Variants in TMEM259 observed in about 807,000 individuals in gnomAD.
TMEM259 encodes membralin.
Under a neutral mutation model 46.7 loss-of-function variants are expected in TMEM259, and 26 were observed. The ratio of observed to expected loss-of-function variants is 0.56; its 90% CI spans 0.41 to 0.77. The LOEUF is 0.77. Ranked by LOEUF, TMEM259 falls within the 30% of genes least tolerant of loss-of-function variation. The pLI is 0.00. For missense variants in TMEM259, 930 were observed against 900.5 expected (o/e 1.03, Z -0.42); for synonymous variants, 494 against 395.1 (o/e 1.25, Z -2.97).
Position 1,010,433 on chromosome 19 carries a change from T to C in TMEM259, c.1780A>G (p.Thr594Ala), listed in dbSNP as rs151265454. The part of the protein sequence containing the change: ...VPPSDSAASD[T>A]TPLGAAVGGP... ...CCTACCGCAGCCCCCAGGGGAGTTGTGTCAGAAGCTGCGGAGTCACTCGGG... is the reference window on the plus strand; with the variant it reads ...CCTACCGCAGCCCCCAGGGGAGTTGCGTCAGAAGCTGCGGAGTCACTCGGG... The change falls in exon 11 of 11, where the codon ACA becomes GCA. Residue 594 changes from threonine (T) to alanine (A), a missense_variant. By Grantham distance (58) the Thr-to-Ala change is moderately conservative. Coordinates refer to ENST00000356663, the MANE Select transcript of TMEM259 (RefSeq NM_001033026.2). 9.3e-5 allele frequency: 143 copies of C among 1,532,026 alleles called. No individual in the cohort carries two copies. In the African/African-American group the frequency reaches 1.8e-3, roughly 19 times the overall value. 94.9% of individuals were successfully genotyped at this position (1,532,026 alleles called of 1,614,324 possible). A position where few individuals can be genotyped will look rare whatever the true frequency, so the allele number is the denominator to read the frequency against.
At position 1,014,254 on chromosome 19, in the gene TMEM259, C is replaced by T. The variant is rs779845887; in HGVS notation, c.445G>A (p.Asp149Asn). The T allele has an allele frequency of 3.1e-6, 5 of 1,613,226 alleles. No homozygotes were observed. The highest frequency in any genetic ancestry group is 3.4e-6 in the Non-Finnish European group (4 of 1,179,766). Reference protein sequence around the residue: ...GLAVEPGSNLDMEDEEEEELT... With the variant: ...GLAVEPGSNLNMEDEEEEELT... ...TCTTCCTCCTCCTCATCTTCCATGT[C>T]CAGGTTGCTGCCTGGTTCCACGGCC... The change falls in exon 2 of 11, where the codon GAC (aspartate) becomes AAC (asparagine). Residue 149 changes from aspartate (D) to asparagine (N), a missense_variant. Coordinates refer to ENST00000356663, the MANE Select transcript of TMEM259 (RefSeq NM_001033026.2).
chr19:1,015,842 T>A (rs1489202998), intron 1 of TMEM259, among the ~76,000 whole-genome samples: 1 of 152,156 alleles, frequency 6.6e-6, no homozygotes, highest in East Asian at 1.9e-4. Context: ...CACAGTGAGC[T>A]GGGGCCTCCT....
chr19:1,019,687 GCTGGGAA>G (rs1159416649), intron 1 of TMEM259, among the ~76,000 whole-genome samples: 2 of 152,348 alleles, frequency 1.3e-5, no homozygotes, highest in Non-Finnish European at 2.9e-5. Flanking sequence ...CCTGTGTCAG[GCTGGGAA>G]CTTGCCCACG....
At position 1,009,789 on chromosome 19, in the gene TMEM259, A is replaced by G; in HGVS notation, c.*561T>C. 2 of 527,230 alleles carry G rather than the reference A, an allele frequency of 3.8e-6. No homozygotes were observed. Among genetic ancestry groups the G allele is most frequent in the South Asian group, 7.1e-5 (2 of 28,204 alleles). 32.7% of individuals were successfully genotyped at this position (527,230 alleles called of 1,614,324 possible). A position where few individuals can be genotyped will look rare whatever the true frequency, so the allele number is the denominator to read the frequency against. On this transcript the variant is annotated 3_prime_UTR_variant, in exon 11 of 11. Coordinates refer to ENST00000356663, the MANE Select transcript of TMEM259 (RefSeq NM_001033026.2). ...CCGGCCCACTCCATCCCCGAGTGGG[A>G]CTGGACCACGGCCCTGGCTGCTGCC...
In TMEM259 at chr19:1,020,967, C is replaced by T; in HGVS notation, c.30G>A (p.Pro10=). The change falls in exon 1 of 11, where the codon CCG becomes CCA. Residue 10 remains proline, a synonymous_variant. Transcript: ENST00000356663. This position sits in a 1 kb window ranked among gnomAD's most constrained non-coding sequence, Gnocchi z 4.0. ...CGCCGCCGCCGTTGGGCCCGGGCCC[C>T]GGAGCTGCGGGCTCCACGTGCTCCG... MSEHVEPAA[P]GPGPNGGGGG... 7.8e-7 allele frequency: 1 copy of T among 1,276,812 alleles called. No homozygotes were observed. Among genetic ancestry groups the T allele is most frequent in the Non-Finnish European group, 9.9e-7 (1 of 1,008,662 alleles). 79.1% of individuals were successfully genotyped at this position (1,276,812 alleles called of 1,614,324 possible).
At chr19:1,015,307 A>G (rs2039072008) in intron 1 of TMEM259, among the ~76,000 whole-genome samples, 1 of 152,168 alleles carries the variant, frequency 6.6e-6, no homozygotes, top group African/African-American at 2.4e-5. Flanking sequence ...TGTGGTTGTC[A>G]CAATTGGGGG....
chr19:1,011,558 G>C (rs780691988), intron 8 of TMEM259, 22 bp downstream of exon 8: 2 of 1,540,956 alleles, frequency 1.3e-6, no homozygotes, highest in South Asian at 2.4e-5. Context: ...GCGGGGCGGG[G>C]GAGGCCGGGT....
rs772342623 is a variant in TMEM259, at chr19:1,013,323, C to T, written c.525G>A (p.Glu175=). 3.1e-6 allele frequency: 5 copies of T among 1,613,546 alleles called. No individual in the cohort carries two copies. The South Asian group carries it at 4.4e-5, about 14-fold the overall frequency. Residue 175 remains glutamate, a synonymous_variant, in exon 3 of 11, where the codon GAG becomes GAA. Coordinates refer to ENST00000356663, the MANE Select transcript of TMEM259 (RefSeq NM_001033026.2). Reference sequence around the variant, plus strand: ...TACTCGGCGGCTTGAACACCTTGGGCTCGATGTCCAGCTCAAACTGTGGGC... The same window carrying T: ...TACTCGGCGGCTTGAACACCTTGGGTTCGATGTCCAGCTCAAACTGTGGGC... ...NSSIKFELDI[E]PKVFKPPSST...
In TMEM259 at chr19:1,009,662, C is replaced by T. The variant is rs529768481; in HGVS notation, c.*688G>A. On this transcript the variant is annotated 3_prime_UTR_variant, in exon 11 of 11. Transcript: ENST00000356663. Reference sequence around the variant, plus strand: ...ACACAGCGCAGTGAGCCGCTGTCAACAGACAGTTTATTCTATATACAAACA... The same window carrying T: ...ACACAGCGCAGTGAGCCGCTGTCAATAGACAGTTTATTCTATATACAAACA... The T allele has an allele frequency of 2.4e-6, 3 of 1,276,170 alleles. No homozygotes were observed. Among genetic ancestry groups the T allele is most frequent in the Admixed American group, 3.9e-5 (1 of 25,336 alleles). 79.1% of individuals were successfully genotyped at this position (1,276,170 alleles called of 1,614,324 possible). A position where few individuals can be genotyped will look rare whatever the true frequency, so the allele number is the denominator to read the frequency against.
intron 10 of TMEM259, 96 bp from the exon 11 acceptor site, chr19:1,010,991 C>T: frequency 6.5e-7 from 1 of 1,546,088 alleles, no homozygotes; most frequent in East Asian, 2.4e-5. Flanking sequence ...TCCACGCTAC[C>T]TCTGCCCGCT....
intron 10 of TMEM259, 96 bp downstream of exon 10, chr19:1,011,000 C>G: frequency 1.3e-6 from 2 of 1,544,262 alleles, no homozygotes; most frequent in Non-Finnish European, 1.7e-6. Flanking sequence ...CCTCTGCCCG[C>G]TTGGGCCGAC....
At chr19:1,014,512 C>T in intron 1 of TMEM259, 39 bp from the exon 2 acceptor site, 1 of 1,585,444 alleles carries the variant, frequency 6.3e-7, no homozygotes, top group Non-Finnish European at 8.6e-7. Flanking sequence ...GCCCCAGGGC[C>T]AGCTGCAGCC....
chr19:1,014,439 T>C lies in TMEM259; in HGVS notation c.260A>G (p.His87Arg). 2 of 1,611,710 alleles carry C rather than the reference T, an allele frequency of 1.2e-6. No homozygotes were observed. The highest frequency in any genetic ancestry group is 1.1e-5 in the South Asian group (1 of 91,020). The change falls in exon 2 of 11, where the codon CAC (histidine) becomes CGC (arginine). Residue 87 changes from histidine to arginine, a missense_variant. Coordinates refer to ENST00000356663, the MANE Select transcript of TMEM259 (RefSeq NM_001033026.2). The stretch of plus-strand genomic sequence containing the variant: ...GATGGGCGAGCGGGAGAAGACGATG[T>C]GGATGTAGGCCAGGACGAAGAGCAC... ...LFVLFVLAYI[H>R]IVFSRSPINC...
At chr19:1,011,217 T>TCGGGGCTGCAGGTC (rs1477806824) in intron 9 of TMEM259, 22 bp from the exon 10 acceptor site, 1 of 1,560,598 alleles carries the variant, frequency 6.4e-7, no homozygotes, top group East Asian at 2.4e-5. Context: ...GGTGAGGGCG[T>TCGGGGCTGCAGGTC]CGGGGCTGCA....
chr19:1,017,553 G>C (rs528874043), intron 1 of TMEM259: 1 of 397,172 alleles, frequency 2.5e-6, no homozygotes, highest in Non-Finnish European at 4.4e-6. Flanking sequence ...TCCTTCCTCC[G>C]GGTCAGCCCA....
intron 3 of TMEM259, 76 bp from the exon 4 acceptor site, chr19:1,012,649 G>A (rs775630468): frequency 5.4e-5 from 81 of 1,513,590 alleles, no homozygotes; most frequent in Middle Eastern, 3.5e-4. Context: ...CAAGGCAGGC[G>A]TTGAGGGGTG....
chr19:1,014,625 C>T, intron 1 of TMEM259, 152 bp from the exon 2 acceptor site: 2 of 875,508 alleles, frequency 2.3e-6, no homozygotes, highest in South Asian at 3.5e-5. Flanking sequence ...TCTGAGGACC[C>T]TGGGTCCCTC....
In TMEM259 at chr19:1,011,111, G is replaced by A. The variant is rs770773857; in HGVS notation, c.1302C>T (p.Ser434=). ...GQYSSLALVT[S]WLFIQHSMIY... is the part of the protein sequence containing the mutation. The stretch of plus-strand genomic sequence containing the variant: ...CAGGCCTCACCTGGATGAAGAGCCA[G>A]GAGGTGACCAGGGCCAGGCTGCTAT... The change falls in exon 10 of 11, where the codon TCC becomes TCT. Residue 434 remains serine (S), a synonymous_variant. Coordinates refer to ENST00000356663, the MANE Select transcript of TMEM259 (RefSeq NM_001033026.2). 5 of 1,596,642 alleles carry A rather than the reference G, an allele frequency of 3.1e-6. No homozygotes were observed. In the South Asian group the frequency reaches 5.6e-5, roughly 18 times the overall value.
chr19:1,014,616 C>G, intron 1 of TMEM259, 143 bp from the exon 2 acceptor site: 1 of 949,608 alleles, frequency 1.1e-6, no homozygotes, highest in Non-Finnish European at 1.6e-6. Context: ...GAATTGGGCT[C>G]TGAGGACCCT....
Sources: gnomAD v4.1 joint callset for allele counts (sites outside exome capture counted in the v4.1 genomes callset) on GRCh38, gnomAD v4.1.1 for gene constraint, Gnocchi (gnomAD v3.1) non-coding constraint, MANE v1.5 for transcripts, NCBI Gene and HGNC (gene_info 2026-07-23, HGNC 2026-07-21) for gene names.